The following STRBP variants were observed in gnomAD, a reference collection of about 807,000 sequenced individuals.
The protein encoded by STRBP is spermatid perinuclear RNA-binding protein.
Under a neutral mutation model 80.1 loss-of-function variants are expected in STRBP, and 13 were observed. That is an observed-to-expected ratio of 0.16 (90% confidence interval 0.11 to 0.26). The LOEUF is 0.26. Among genes scored for constraint, STRBP ranks in the 10% least tolerant of loss-of-function variants. The pLI is 1.00. For synonymous variants in STRBP, 284 were observed against 291.2 expected, an observed-to-expected ratio of 0.98 and a Z score of 0.25; for missense variants, 485 against 815.2, an observed-to-expected ratio of 0.59 and a Z score of 4.93.
chr9:123,150,709 G>C (rs1299431936), intron 11 of STRBP, among the ~76,000 whole-genome samples: 3 of 152,162 alleles, frequency 2.0e-5, no homozygotes, highest in Non-Finnish European at 4.4e-5. Flanking sequence ...AAGAACTGAA[G>C]AGAGTAATGT....
At chr9:123,206,894 T>C (rs1459577958) in intron 2 of STRBP, among the ~76,000 whole-genome samples, 1 of 152,134 alleles carries the variant, frequency 6.6e-6, no homozygotes, top group Admixed American at 6.5e-5. Flanking sequence ...CACCTTGGCC[T>C]CCCAAAGTGC....
At chr9:123,235,817 AAT>A (rs1340457687) in intron 2 of STRBP, among the ~76,000 whole-genome samples, 1 of 152,170 alleles carries the variant, frequency 6.6e-6, no homozygotes, top group Non-Finnish European at 1.5e-5. Context: ...ATGATTTAGG[AAT>A]AGAGCGCTCA....
chr9:123,204,361 C>T (rs1489915898), intron 2 of STRBP, among the ~76,000 whole-genome samples: 2 of 152,230 alleles, frequency 1.3e-5, no homozygotes, highest in East Asian at 1.9e-4. Context: ...TTCCAATTCA[C>T]ATCACTGTCT....
rs573986687 is a variant in STRBP, at chr9:123,204,901, G to A, written c.-164-20603C>T. On this transcript the variant is annotated intron_variant, in intron 2 of 18. Coordinates refer to ENST00000348403, the MANE Select transcript of STRBP (RefSeq NM_018387.5). ...ACTGCGCCACTGCACTCTAGCCTGG[G>A]CAACAGAACAGGACTCCATCTCAAA... is the stretch of plus-strand genomic sequence containing the variant. 4.2e-4 allele frequency among the ~76,000 whole-genome samples: 57 copies of A among 136,300 alleles called. 1 individual carries two copies. The South Asian group carries it at 0.013, about 30-fold the overall frequency. 89.4% of individuals were successfully genotyped at this position (136,300 alleles called of 152,430 possible).
intron 13 of STRBP, among the ~76,000 whole-genome samples, chr9:123,141,797 C>T (rs1450314150): frequency 6.6e-6 from 1 of 152,184 alleles, no homozygotes; most frequent in African/African-American, 2.4e-5. Flanking sequence ...GTGTCCAACA[C>T]AGTGTAACCA....
In STRBP at chr9:123,147,048, T is replaced by A; in HGVS notation, c.1145A>T (p.Asp382Val). Residue 382 changes from aspartate (D) to valine (V), a missense_variant, in exon 13 of 19, where the codon GAT (aspartate) becomes GTT (valine). Asp to Val is a radical substitution (Grantham distance 152, BLOSUM62 -3). Coordinates refer to ENST00000348403, the MANE Select transcript of STRBP (RefSeq NM_018387.5). The part of the protein sequence containing the change: ...KMKRNLRKIL[D>V]SKAIDLMNAL... ...ATTCATAAGGTCTATTGCTTTACTA[T>A]CCAGAACTGTTAAAGAAAGAGGAAT... 1 of 1,612,522 alleles carries A rather than the reference T, an allele frequency of 6.2e-7. No homozygotes were observed. The highest frequency in any genetic ancestry group is 8.5e-7 in the Non-Finnish European group (1 of 1,178,920).
In STRBP at chr9:123,121,984, G is replaced by A. The variant is rs1182212760; in HGVS notation, c.*3613C>T. Reference sequence around the variant, plus strand: ...ACACACACACACACACTTAGTGTAAGTGAAATGTCTGTCTTGAGTAAAAAG... The same window carrying A: ...ACACACACACACACACTTAGTGTAAATGAAATGTCTGTCTTGAGTAAAAAG... On this transcript the variant is annotated 3_prime_UTR_variant, in exon 19 of 19. Coordinates refer to ENST00000348403, the MANE Select transcript of STRBP (RefSeq NM_018387.5). 1.0e-5 allele frequency: 2 copies of A among 190,786 alleles called. No individual in the cohort carries two copies. The highest frequency in any genetic ancestry group is 2.2e-5 in the Non-Finnish European group (2 of 92,442). 11.8% of individuals were successfully genotyped at this position (190,786 alleles called of 1,614,324 possible). A position where few individuals can be genotyped will look rare whatever the true frequency, so the allele number is the denominator to read the frequency against.
At chr9:123,129,416 G>A (rs2036038414) in intron 17 of STRBP, among the ~76,000 whole-genome samples, 1 of 152,046 alleles carries the variant, frequency 6.6e-6, no homozygotes, top group Non-Finnish European at 1.5e-5. Flanking sequence ...TTCTAAAGTA[G>A]AACAAGGGCA....
chr9:123,120,337 G>GC (rs1421936274), downstream of STRBP, among the ~76,000 whole-genome samples: 1 of 151,930 alleles, frequency 6.6e-6, no homozygotes, highest in African/African-American at 2.4e-5. Context: ...TTCAGAGATA[G>GC]CCCCCACCCT....
intron 2 of STRBP, among the ~76,000 whole-genome samples, chr9:123,219,895 T>C (rs1196143893): frequency 6.6e-6 from 1 of 152,190 alleles, no homozygotes; most frequent in East Asian, 1.9e-4. Flanking sequence ...GGATCCAGAA[T>C]GGGAGCTTCC....
intron 4 of STRBP, among the ~76,000 whole-genome samples, chr9:123,178,560 T>C (rs895213411): frequency 2.6e-5 from 4 of 152,180 alleles, no homozygotes; most frequent in African/African-American, 9.7e-5. Flanking sequence ...ATCAGTGAGG[T>C]AGATACAGTC....
chr9:123,205,311 G>A lies in STRBP; in HGVS notation c.-164-21013C>T, dbSNP rs74878200. Among the ~76,000 whole-genome samples, 45 of 152,304 alleles carry A rather than the reference G, an allele frequency of 3.0e-4. No homozygotes were observed. In the East Asian group the frequency reaches 8.1e-3, roughly 27 times the overall value. ...TATTCTCTGTCCTCCTCTGTCTGCTGAAGCACACTTAACACTGAAGGGTAA... is the reference window on the plus strand; with the variant it reads ...TATTCTCTGTCCTCCTCTGTCTGCTAAAGCACACTTAACACTGAAGGGTAA... On this transcript the variant is annotated intron_variant, in intron 2 of 18. Coordinates refer to ENST00000348403, the MANE Select transcript of STRBP (RefSeq NM_018387.5).
intron 6 of STRBP, among the ~76,000 whole-genome samples, chr9:123,162,945 A>G (rs1197015736): frequency 1.3e-5 from 2 of 152,256 alleles, no homozygotes; most frequent in Non-Finnish European, 2.9e-5. Flanking sequence ...TAAAGCTCAC[A>G]TATCAGATAA....
chr9:123,120,447 A>G (rs931822489), downstream of STRBP, among the ~76,000 whole-genome samples: 1 of 117,248 alleles, frequency 8.5e-6, no homozygotes, highest in Admixed American at 1.2e-4. Context: ...ACCCTGGTGT[A>G]TAGGGCTCTG....
intron 2 of STRBP, among the ~76,000 whole-genome samples, chr9:123,207,805 G>A (rs1168383149): frequency 8.7e-6 from 1 of 115,102 alleles, no homozygotes; most frequent in Non-Finnish European, 1.5e-5. Flanking sequence ...ATTTCTTAGA[G>A]GAAAAAAATC....
At chr9:123,116,723 C>T (rs1011803727), downstream of STRBP, among the ~76,000 whole-genome samples, 9 of 152,142 alleles carry the variant, frequency 5.9e-5, no homozygotes, top group Admixed American at 3.9e-4. Flanking sequence ...GAAGACAGAA[C>T]GGACATTGGT....
chr9:123,247,472 T>A (rs1296841346), intron 1 of STRBP, among the ~76,000 whole-genome samples: 1 of 152,154 alleles, frequency 6.6e-6, no homozygotes, highest in Non-Finnish European at 1.5e-5. Context: ...TTTTATCATG[T>A]TGGCCAGGCT....
intron 1 of STRBP, among the ~76,000 whole-genome samples, chr9:123,250,269 G>A (rs1340364474): frequency 2.0e-5 from 3 of 152,144 alleles, no homozygotes; most frequent in East Asian, 3.8e-4. Context: ...GCAGCTATCT[G>A]AACCCAGCTG....
At chr9:123,260,914 C>A (rs956201168) in intron 1 of STRBP, among the ~76,000 whole-genome samples, 5 of 152,164 alleles carry the variant, frequency 3.3e-5, no homozygotes, top group African/African-American at 1.2e-4. Context: ...TCAAAGCCTG[C>A]CCTTAATTTC....
Sources: allele counts gnomAD v4.1 joint callset (sites outside exome capture counted in the v4.1 genomes callset), GRCh38; gene constraint gnomAD v4.1.1; transcripts MANE v1.5; gene names NCBI Gene and HGNC (gene_info 2026-07-23, HGNC 2026-07-21).